DET1: variants seen among roughly 807,000 people sequenced by gnomAD.
The protein encoded by DET1 is DET1 partner of COP1 E3 ubiquitin ligase.
In DET1, 22 loss-of-function variants were observed where a neutral mutation model predicts 43.7. The ratio of observed to expected loss-of-function variants is 0.50; its 90% CI spans 0.36 to 0.72. The LOEUF (loss-of-function observed/expected upper bound fraction) is 0.72. DET1 is among the 30% of genes least tolerant of loss of function. The pLI is 0.00. For synonymous variants in DET1, 315 were observed against 266.2 expected, an observed-to-expected ratio of 1.18 and a Z score of -1.79; for missense variants, 713 against 713.3, an observed-to-expected ratio of 1.00 and a Z score of 0.00.
At chr15:88,541,092 G>A (rs965630290) in intron 1 of DET1, among the ~76,000 whole-genome samples, 2 of 91,468 alleles carry the variant, frequency 2.2e-5, no homozygotes, top group Admixed American at 1.1e-4. Flanking sequence ...TATAAAACCC[G>A]ATTGTATGCT....
intron 1 of DET1, among the ~76,000 whole-genome samples, chr15:88,542,066 C>T (rs2057122713): frequency 6.6e-6 from 1 of 152,164 alleles, no homozygotes; most frequent in African/African-American, 2.4e-5. Flanking sequence ...CATAATCCTC[C>T]CTTCTCTGAA....
intron 1 of DET1, among the ~76,000 whole-genome samples, chr15:88,532,479 A>G (rs2056841308): frequency 6.6e-6 from 1 of 152,236 alleles, no homozygotes; most frequent in African/African-American, 2.4e-5. Flanking sequence ...TTCATATGGT[A>G]TCTCAAGGGC....
At chr15:88,544,859 G>C (rs2057206383) in intron 1 of DET1, among the ~76,000 whole-genome samples, 1 of 152,116 alleles carries the variant, frequency 6.6e-6, no homozygotes, top group African/African-American at 2.4e-5. Context: ...TATGTATACT[G>C]TTCCCAAAGC....
intron 2 of DET1, among the ~76,000 whole-genome samples, chr15:88,528,467 G>C (rs1474264797): frequency 6.6e-6 from 1 of 152,198 alleles, no homozygotes; most frequent in Non-Finnish European, 1.5e-5. Context: ...TGTTCTTTCA[G>C]CCAAGAGCAT....
chr15:88,509,211 G>T (rs947497103), downstream of DET1, among the ~76,000 whole-genome samples: 9 of 152,162 alleles, frequency 5.9e-5, no homozygotes, highest in Non-Finnish European at 1.3e-4. Context: ...GCCCAGGCTG[G>T]AGTAGTGAGG....
At chr15:88,515,372 T>G (rs1240979289) in intron 4 of DET1, among the ~76,000 whole-genome samples, 1 of 151,490 alleles carries the variant, frequency 6.6e-6, no homozygotes, top group Non-Finnish European at 1.5e-5. Context: ...AAACCCCGTC[T>G]CTACAAAAAT....
downstream of DET1, among the ~76,000 whole-genome samples, chr15:88,512,178 A>G (rs2056212995): frequency 6.6e-6 from 1 of 152,228 alleles, no homozygotes; most frequent in Admixed American, 6.5e-5. Flanking sequence ...GCTGTGGCCA[A>G]GGAGAGCTGC....
intron 1 of DET1, among the ~76,000 whole-genome samples, chr15:88,537,219 T>C (rs1254302577): frequency 6.6e-6 from 1 of 152,178 alleles, no homozygotes; most frequent in Non-Finnish European, 1.5e-5. Context: ...ATTGCAATGG[T>C]AAGCACTGTT....
At chr15:88,524,381 TG>T (rs1393311189) in intron 3 of DET1, among the ~76,000 whole-genome samples, 1 of 150,880 alleles carries the variant, frequency 6.6e-6, no homozygotes, top group East Asian at 2.0e-4. Flanking sequence ...GTCCGGGAGG[TG>T]GGGGGCGCCT....
At position 88,538,613 on chromosome 15, in the gene DET1, G is replaced by A. The variant is rs577753704; in HGVS notation, c.-10-6898C>T. Among the ~76,000 whole-genome samples, 4 of 152,268 alleles carry A rather than the reference G, an allele frequency of 2.6e-5. No homozygotes were observed. The South Asian group carries it at 8.3e-4, about 32-fold the overall frequency. On this transcript the variant is annotated intron_variant, in intron 1 of 4. Coordinates refer to ENST00000268148, the MANE Select transcript of DET1 (RefSeq NM_001144074.3). ...GACTCTTAATTAGTCTCAAAGTGTGGCGTTTTCTCTAACACCCCGGGTACA... is the reference window on the plus strand; with the variant it reads ...GACTCTTAATTAGTCTCAAAGTGTGACGTTTTCTCTAACACCCCGGGTACA...
At chr15:88,517,048 A>G in intron 3 of DET1, 75 bp from the exon 4 acceptor site, 2 of 1,110,826 alleles carry the variant, frequency 1.8e-6, no homozygotes, top group Non-Finnish European at 1.3e-6. Flanking sequence ...ATTGACAAAT[A>G]TATGTCTAAG....
At chr15:88,524,972 A>G (rs943679835) in intron 3 of DET1, among the ~76,000 whole-genome samples, 1 of 152,208 alleles carries the variant, frequency 6.6e-6, no homozygotes, top group Admixed American at 6.5e-5. Context: ...AAATTTTTCA[A>G]TGTATATATA....
intron 1 of DET1, among the ~76,000 whole-genome samples, chr15:88,534,845 C>T (rs1285271358): frequency 6.6e-6 from 1 of 152,152 alleles, no homozygotes; most frequent in Non-Finnish European, 1.5e-5. Context: ...CACCAACATC[C>T]TCTTAGGATT....
intron 8 of DET1, chr15:88,502,198 C>G (rs1447543992): frequency 6.6e-6 from 1 of 152,130 alleles, no homozygotes; most frequent in Non-Finnish European, 1.5e-5. Context: ...CTTTTAAAGA[C>G]TAGGGCAAAT....
intron 3 of DET1, among the ~76,000 whole-genome samples, chr15:88,523,404 T>A (rs12911061): frequency 0.43 from 65,445 of 151,590 alleles, 15,178 homozygotes; most frequent in East Asian, 0.65. Context: ...TAAAAAAAAA[T>A]TTCAGCTCCC....
downstream of DET1, among the ~76,000 whole-genome samples, chr15:88,509,788 G>A (rs2056178116): frequency 6.6e-6 from 1 of 152,214 alleles, no homozygotes; most frequent in Non-Finnish European, 1.5e-5. Context: ...CTTGTTAAGT[G>A]GCCATATGGT....
At chr15:88,536,162 G>T (rs1481243979) in intron 1 of DET1, 2 of 606,876 alleles carry the variant, frequency 3.3e-6, no homozygotes, top group Non-Finnish European at 3.0e-6. Flanking sequence ...AGTGCTGAAA[G>T]ATCTGCCTCT....
intron 2 of DET1, among the ~76,000 whole-genome samples, chr15:88,530,303 T>C (rs918213399): frequency 1.3e-5 from 2 of 152,180 alleles, no homozygotes; most frequent in African/African-American, 4.8e-5. Context: ...CAAGGGAGGT[T>C]ATCCATAAGT....
intron 3 of DET1, among the ~76,000 whole-genome samples, chr15:88,523,563 C>A (rs1378460811): frequency 6.6e-6 from 1 of 152,192 alleles, no homozygotes; most frequent in Admixed American, 6.5e-5. Context: ...CCTCAGTCTA[C>A]CGAGTGCCTG....
Sources: allele counts gnomAD v4.1 joint callset (sites outside exome capture counted in the v4.1 genomes callset), GRCh38; gene constraint gnomAD v4.1.1; transcripts MANE v1.5; gene names NCBI Gene and HGNC (gene_info 2026-07-23, HGNC 2026-07-21).